Variants in UCK1 observed in about 807,000 individuals in gnomAD.
UCK1 encodes the protein cytidine monophosphokinase 1.
UCK1 carries 20 observed loss-of-function variants against 34.0 expected under a neutral mutation model. The observed-to-expected ratio is 0.59, with a 90% CI of 0.41 to 0.86. The LOEUF (loss-of-function observed/expected upper bound fraction) is 0.86, where lower values mean the gene tolerates loss of function less well. Among genes scored for constraint, UCK1 ranks in the 40% least tolerant of loss-of-function variants. The probability of loss-of-function intolerance (pLI) is 0.00; values close to 1 mark genes in which losing one functional copy is unlikely to be tolerated. For synonymous variants in UCK1, 168 were observed against 155.9 expected (o/e 1.08, Z -0.58); for missense variants, 343 against 383.6 (o/e 0.89, Z 0.88).
intron 5 of UCK1, among the ~76,000 whole-genome samples, chr9:131,526,692 C>T (rs117357715): frequency 1.2e-3 from 183 of 152,206 alleles, no homozygotes; most frequent in African/African-American, 4.1e-3. Flanking sequence ...GAACTTGGAA[C>T]GGTGCGTGCT....
In UCK1 at chr9:131,529,152, A is replaced by G. The variant is rs1950730253; in HGVS notation, c.484T>C (p.Ser162Pro). 6.2e-7 allele frequency: 1 copy of G among 1,613,782 alleles called. No homozygotes were observed. The highest frequency in any genetic ancestry group is 1.3e-5 in the African/African-American group (1 of 74,918). Residue 162 changes from serine to proline, a missense_variant, in exon 4 of 7, where the codon TCC becomes CCC. Coordinates refer to ENST00000372215, the MANE Select transcript of UCK1 (RefSeq NM_031432.5). The stretch of plus-strand genomic sequence containing the variant: ...CCTCTTCGAGACAGCCTGACGTCGG[A>G]GTCGGTGTCCACGAAGAGGCGCAGG... ...FHLRLFVDTD[S>P]DVRLSRRVLR...
intron 2 of UCK1, 30 bp from the exon 3 acceptor site, chr9:131,529,614 G>A (rs941091053): frequency 2.5e-5 from 40 of 1,606,230 alleles, no homozygotes; most frequent in Non-Finnish European, 3.2e-5. Flanking sequence ...GGCAAGACAG[G>A]CAGATGCCCT....
rs1000911274 is a variant in UCK1, at chr9:131,525,829, C to T, written c.652+100G>A. 2.1e-5 allele frequency: 26 copies of T among 1,267,802 alleles called. 1 individual carries two copies. The highest frequency in any genetic ancestry group is 1.3e-4 in the Admixed American group (6 of 47,576). The allele number at this position is 1,267,802 out of a possible 1,614,324, so 78.5% of individuals were successfully genotyped here. ...GCCGCAGATCAACACTGGCAGGCCGCGTGCGCAGGGGAGTGCTCAGTAACT... is the reference window on the plus strand; with the variant it reads ...GCCGCAGATCAACACTGGCAGGCCGTGTGCGCAGGGGAGTGCTCAGTAACT... On this transcript the variant is annotated intron_variant, in intron 6 of 6. Coordinates refer to ENST00000372215, the MANE Select transcript of UCK1 (RefSeq NM_031432.5).
rs543134818 is a variant in UCK1 at position 131,524,751 on chromosome 9, A to G, written c.*289T>C. On this transcript the variant is annotated 3_prime_UTR_variant, in exon 7 of 7. Transcript: ENST00000372215. The stretch of plus-strand genomic sequence containing the variant: ...TAATGTGCCTCACATTCCTCACAGA[A>G]GCCTCCCAGGCTTCCTGCACATTCT... 1.4e-5 allele frequency: 5 copies of G among 347,366 alleles called. No homozygotes were observed. The highest frequency in any genetic ancestry group is 2.6e-5 in the Non-Finnish European group (5 of 190,310). 21.5% of individuals were successfully genotyped at this position (347,366 alleles called of 1,614,324 possible). A position where few individuals can be genotyped will look rare whatever the true frequency, so the allele number is the denominator to read the frequency against.
intron 1 of UCK1, 80 bp downstream of exon 1, chr9:131,530,987 G>C: frequency 8.1e-7 from 1 of 1,232,140 alleles, no homozygotes; most frequent in Non-Finnish European, 1.0e-6. Flanking sequence ...CCCCTCGGCC[G>C]GGGCTGGGGT....
chr9:131,527,377 G>A (rs1326734624), intron 5 of UCK1, among the ~76,000 whole-genome samples: 1 of 152,074 alleles, frequency 6.6e-6, no homozygotes, highest in African/African-American at 2.4e-5. Flanking sequence ...TGGGGCCTGG[G>A]CCCAGAACAT....
intron 1 of UCK1, among the ~76,000 whole-genome samples, 199 bp downstream of exon 1, chr9:131,530,868 G>T (rs571531505): frequency 3.3e-5 from 5 of 152,286 alleles, no homozygotes; most frequent in African/African-American, 9.6e-5. Flanking sequence ...GAGGCTGTGG[G>T]GGAGCCCCGA....
In UCK1 at chr9:131,525,284, C is replaced by G. The variant is rs563026635; in HGVS notation, c.653-63G>C. 8.7e-6 allele frequency: 14 copies of G among 1,604,090 alleles called. No individual in the cohort carries two copies. In the African/African-American group the frequency reaches 1.7e-4, roughly 20 times the overall value. On this transcript the variant is annotated intron_variant, in intron 6 of 6. Coordinates refer to ENST00000372215, the MANE Select transcript of UCK1 (RefSeq NM_031432.5). ...TCCATCCTCCGTGGAGACCGCCCCT[C>G]CCCGCAGCACTCGGCCAGGAGTGAG...
rs755335414 is a variant in UCK1 at position 131,531,195 on chromosome 9, A to G, written c.-21T>C. ...GCCATCTCGGCCTCCGCTCCCGCGC[A>G]TCGGGTCCCCGCGCCCGCCCCTTCC... On this transcript the variant is annotated 5_prime_UTR_variant, in exon 1 of 7. An upstream start codon of the reference 5' UTR is lost. Transcript: ENST00000372215. 2.2e-4 allele frequency: 300 copies of G among 1,376,646 alleles called. 1 individual carries two copies. In the South Asian group the frequency reaches 3.2e-3, roughly 15 times the overall value. The allele number at this position is 1,376,646 out of a possible 1,614,324, so 85.3% of individuals were successfully genotyped here.
chr9:131,526,391 G>A (rs188253759), intron 5 of UCK1: 2 of 1,283,302 alleles, frequency 1.6e-6, no homozygotes, highest in South Asian at 1.2e-5. Flanking sequence ...ACAGCAACAG[G>A]ACAGCCGCCG....
chr9:131,528,738 C>CTT, intron 5 of UCK1: 1 of 635,948 alleles, frequency 1.6e-6, no homozygotes, highest in South Asian at 2.0e-5. Flanking sequence ...AGATATGGGG[C>CTT]TTTTTTAGGC....
chr9:131,529,285 G>A lies in UCK1; in HGVS notation c.366-15C>T. On this transcript the variant is annotated splice_polypyrimidine_tract_variant and intron_variant, in intron 3 of 6. Transcript: ENST00000372215. ...TCTCTGGTAACCTGAGGGGCGCACG[G>A]GGAAAGGGGCTCTGCTGCAGACACA... is the stretch of plus-strand genomic sequence containing the variant. 1 of 1,613,948 alleles carries A rather than the reference G, an allele frequency of 6.2e-7. No individual in the cohort carries two copies. The highest frequency in any genetic ancestry group is 8.5e-7 in the Non-Finnish European group (1 of 1,179,912).
In UCK1 at chr9:131,530,541, C is replaced by T. The variant is rs1435290334; in HGVS notation, c.213G>A (p.Leu71=). Residue 71 remains leucine (L), a synonymous_variant, in exon 2 of 7, where the codon CTG becomes CTA. Coordinates refer to ENST00000372215, the MANE Select transcript of UCK1 (RefSeq NM_031432.5). ...AGGCCTTGGCCTTCTGCTCTGCCGT[C>T]AGGACCTTGTAGAACCTGTCCTGGC... ...ILSQDRFYKV[L]TAEQKAKALK... is the part of the protein sequence containing the mutation. The T allele has an allele frequency of 2.5e-6, 4 of 1,614,152 alleles. No individual in the cohort carries two copies. The highest frequency in any genetic ancestry group is 3.4e-6 in the Non-Finnish European group (4 of 1,180,054).
chr9:131,526,951 C>T (rs6597502), intron 5 of UCK1, among the ~76,000 whole-genome samples: 25,216 of 151,938 alleles, frequency 0.17, 2,276 homozygotes, highest in African/African-American at 0.23. Context: ...GAAATACCTA[C>T]GGGGTCCAGG....
Position 131,525,992 on chromosome 9 carries a change from G to C in UCK1, c.604-15C>G, listed in dbSNP as rs369633286. 16 of 1,613,944 alleles carry C rather than the reference G, an allele frequency of 9.9e-6. No homozygotes were observed. Among genetic ancestry groups the C allele is most frequent in the Non-Finnish European group, 1.3e-5 (15 of 1,179,918 alleles). ...TACTTCTTTGTCTGTAAGGCACAAG[G>C]GGGGGTGTTCCTGTGAGGACTTTTC... On this transcript the variant is annotated splice_polypyrimidine_tract_variant and intron_variant, in intron 5 of 6. Transcript: ENST00000372215.
intron 5 of UCK1, 195 bp from the exon 6 acceptor site, chr9:131,526,172 A>G: frequency 8.4e-6 from 6 of 710,646 alleles, no homozygotes; most frequent in Admixed American, 2.7e-5. Flanking sequence ...GTGAGGCAGA[A>G]AGTGCAGCTG....
chr9:131,525,825 G>C, intron 6 of UCK1, 104 bp downstream of exon 6: 1 of 1,226,838 alleles, frequency 8.2e-7, no homozygotes, highest in Non-Finnish European at 1.2e-6. Context: ...ACACTGGCAG[G>C]CCGCGTGCGC....
intron 1 of UCK1, among the ~76,000 whole-genome samples, 163 bp downstream of exon 1, chr9:131,530,904 G>A (rs1163583122): frequency 4.0e-5 from 6 of 151,024 alleles, no homozygotes; most frequent in African/African-American, 1.5e-4. Flanking sequence ...CCCCTCGCCC[G>A]CCCCAGCCCG....
chr9:131,525,023 T>C lies in UCK1; in HGVS notation c.*17A>G, dbSNP rs2131972511. 3 of 1,602,290 alleles carry C rather than the reference T, an allele frequency of 1.9e-6. No individual in the cohort carries two copies. The highest frequency in any genetic ancestry group is 1.1e-5 in the South Asian group (1 of 90,732). On this transcript the variant is annotated 3_prime_UTR_variant, in exon 7 of 7. Transcript: ENST00000372215. ...CACATGCCGGGCGGGAGACCTGCCCTGAGGCTCGGCAGCCCCTCAGTGGGG... is the reference window on the plus strand; with the variant it reads ...CACATGCCGGGCGGGAGACCTGCCCCGAGGCTCGGCAGCCCCTCAGTGGGG...
Sources: gnomAD v4.1 joint callset for allele counts (sites outside exome capture counted in the v4.1 genomes callset) on GRCh38, gnomAD v4.1.1 for gene constraint, MANE v1.5 for transcripts, NCBI Gene and HGNC (gene_info 2026-07-23, HGNC 2026-07-21) for gene names.